The following CADM2 variants were observed in gnomAD, a reference collection of about 807,000 sequenced individuals.
The protein encoded by CADM2 is immunoglobulin superfamily member 4D.
CADM2 carries 12 observed loss-of-function variants against 49.8 expected under a neutral mutation model. The ratio of observed to expected loss-of-function variants is 0.24; its 90% CI spans 0.15 to 0.39. The LOEUF is 0.39. Among genes scored for constraint, CADM2 ranks in the 10% least tolerant of loss-of-function variants. The pLI, the probability that CADM2 is intolerant of heterozygous loss-of-function variation, is 1.00. For missense variants in CADM2, 378 were observed against 492.3 expected, an observed-to-expected ratio of 0.77 and a Z score of 2.20; for synonymous variants, 214 against 175.4, an observed-to-expected ratio of 1.22 and a Z score of -1.74.
chr3:85,080,349 A>C (rs1178946533), intron 1 of CADM2, among the ~76,000 whole-genome samples: 1 of 152,052 alleles, frequency 6.6e-6, no homozygotes, highest in East Asian at 1.9e-4. Flanking sequence ...GAAAATACAT[A>C]TCATTTCTGT....
intron 1 of CADM2, among the ~76,000 whole-genome samples, chr3:85,642,316 G>T (rs534825223): frequency 6.6e-6 from 1 of 151,662 alleles, no homozygotes; most frequent in South Asian, 2.1e-4. Context: ...AAGAGATACT[G>T]GTTTACTGCA....
chr3:85,098,538 A>G (rs2037890058), intron 1 of CADM2, among the ~76,000 whole-genome samples: 1 of 152,172 alleles, frequency 6.6e-6, no homozygotes, highest in Non-Finnish European at 1.5e-5. Context: ...AGGGGGAGAT[A>G]AGTCACTGTA....
At chr3:85,257,668 C>T (rs976192549) in intron 1 of CADM2, among the ~76,000 whole-genome samples, 1 of 152,002 alleles carries the variant, frequency 6.6e-6, no homozygotes, top group Admixed American at 6.6e-5. Context: ...GATTAATATC[C>T]AGAGGATTGT....
intron 6 of CADM2, among the ~76,000 whole-genome samples, chr3:85,929,980 A>G (rs905089405): frequency 4.6e-5 from 7 of 152,044 alleles, no homozygotes; most frequent in Admixed American, 3.9e-4. Context: ...TCGAGAGTCA[A>G]GTTTAAGATA....
intron 1 of CADM2, among the ~76,000 whole-genome samples, chr3:85,599,630 T>C (rs941712456): frequency 2.0e-5 from 3 of 151,922 alleles, no homozygotes; most frequent in African/African-American, 7.2e-5. Context: ...ATACCCACAA[T>C]TATTTTCTGT....
rs2032841565 is a variant in CADM2, at chr3:85,367,088, A to T, written c.62-359434A>T. 3.3e-5 allele frequency among the ~76,000 whole-genome samples: 5 copies of T among 152,188 alleles called. No homozygotes were observed. In the South Asian group the frequency reaches 1.0e-3, roughly 32 times the overall value. ...AAACATACCATAAATTGATGTGTCC[A>T]ATTAATTATCGGTTTTGATATATAA... On this transcript the variant is annotated intron_variant, in intron 1 of 9. Coordinates refer to ENST00000383699, the MANE Select transcript of CADM2 (RefSeq NM_001167675.2).
intron 1 of CADM2, among the ~76,000 whole-genome samples, chr3:85,162,038 G>GAAAA (rs1310529249): frequency 6.6e-6 from 1 of 151,924 alleles, no homozygotes; most frequent in Admixed American, 6.6e-5. Context: ...AAGAAAGAAA[G>GAAAA]AAAAAACAAG....
chr3:85,799,151 C>T (rs543752945), intron 2 of CADM2, among the ~76,000 whole-genome samples: 12 of 152,266 alleles, frequency 7.9e-5, no homozygotes, highest in African/African-American at 2.9e-4. Flanking sequence ...AGTTGCTTAT[C>T]AGCTTAAGGA....
chr3:85,177,749 T>A (rs1231546806), intron 1 of CADM2, among the ~76,000 whole-genome samples: 2 of 151,928 alleles, frequency 1.3e-5, no homozygotes, highest in Non-Finnish European at 2.9e-5. Flanking sequence ...AAAAAGATGA[T>A]CACTTTTCTT....
chr3:85,105,420 G>A (rs1272917769), intron 1 of CADM2, among the ~76,000 whole-genome samples: 2 of 152,092 alleles, frequency 1.3e-5, no homozygotes, highest in African/African-American at 4.8e-5. Context: ...CAGTTAGAAT[G>A]GCAATCATTA....
Position 85,400,690 on chromosome 3 carries a change from G to C in CADM2, c.62-325832G>C, listed in dbSNP as rs557878700. Among the ~76,000 whole-genome samples, 4 of 146,180 alleles carry C rather than the reference G, an allele frequency of 2.7e-5. No individual in the cohort carries two copies. The South Asian group carries it at 9.0e-4, about 33-fold the overall frequency. On this transcript the variant is annotated intron_variant, in intron 1 of 9. Coordinates refer to ENST00000383699, the MANE Select transcript of CADM2 (RefSeq NM_001167675.2). ...GGTTTATTCTTGGGAGGGTGTATGTGTCCAGGAATGTATCAGTTTCTTCTA... is the reference window on the plus strand; with the variant it reads ...GGTTTATTCTTGGGAGGGTGTATGTCTCCAGGAATGTATCAGTTTCTTCTA...
At chr3:85,079,952 T>G (rs2107497681) in intron 1 of CADM2, among the ~76,000 whole-genome samples, 1 of 151,958 alleles carries the variant, frequency 6.6e-6, no homozygotes, top group Non-Finnish European at 1.5e-5. Context: ...TTCCACTCTT[T>G]GATACACTAT....
At chr3:85,341,467 G>C (rs1348422944) in intron 1 of CADM2, among the ~76,000 whole-genome samples, 1 of 151,918 alleles carries the variant, frequency 6.6e-6, no homozygotes, top group Non-Finnish European at 1.5e-5. Context: ...TTCTGGCAAA[G>C]AGCTTGGAAA....
chr3:85,623,330 G>T (rs78760753), intron 1 of CADM2, among the ~76,000 whole-genome samples: 3,950 of 152,128 alleles, frequency 0.026, 177 homozygotes, highest in African/African-American at 0.09. Context: ...AATGTATAGG[G>T]TTAAACCATT....
At chr3:85,379,618 G>T (rs973740638) in intron 1 of CADM2, among the ~76,000 whole-genome samples, 1 of 151,906 alleles carries the variant, frequency 6.6e-6, no homozygotes, top group Admixed American at 6.6e-5. Flanking sequence ...CAAGGGAAAA[G>T]CATCCCAGTA....
At chr3:85,354,868 A>G (rs2107254245) in intron 1 of CADM2, among the ~76,000 whole-genome samples, 1 of 152,130 alleles carries the variant, frequency 6.6e-6, no homozygotes, top group Non-Finnish European at 1.5e-5. Flanking sequence ...GAGATGGCCA[A>G]ATATACATAT....
chr3:85,930,217 A>G (rs1403814850), intron 6 of CADM2, among the ~76,000 whole-genome samples: 1 of 152,164 alleles, frequency 6.6e-6, no homozygotes, highest in Admixed American at 6.5e-5. Flanking sequence ...TGGTATTTTT[A>G]ACAACATAGA....
chr3:85,493,033 A>G (rs1047064984), intron 1 of CADM2, among the ~76,000 whole-genome samples: 2 of 152,174 alleles, frequency 1.3e-5, no homozygotes, highest in African/African-American at 4.8e-5. Flanking sequence ...GCCCTAGGAT[A>G]CCTAGACAAA....
intron 1 of CADM2, among the ~76,000 whole-genome samples, chr3:85,478,854 A>G (rs1327639537): frequency 1.3e-5 from 2 of 151,898 alleles, no homozygotes; most frequent in Non-Finnish European, 2.9e-5. Context: ...AACACTTCCA[A>G]TGTGGCATGC....
Sources: allele counts gnomAD v4.1 joint callset (sites outside exome capture counted in the v4.1 genomes callset), GRCh38; gene constraint gnomAD v4.1.1; transcripts MANE v1.5; gene names NCBI Gene and HGNC (gene_info 2026-07-23, HGNC 2026-07-21).